Variants in NME6 observed in about 807,000 individuals in gnomAD.
The protein encoded by NME6 is nucleoside diphosphate kinase 6, mitochondrial.
Under a neutral mutation model 22.2 loss-of-function variants are expected in NME6, and 16 were observed. The observed-to-expected ratio is 0.72, with a 90% CI of 0.49 to 1.09. The LOEUF (loss-of-function observed/expected upper bound fraction) is 1.09, where lower values mean the gene tolerates loss of function less well. NME6 is among the 50% of genes least tolerant of loss of function. The probability of loss-of-function intolerance (pLI) is 0.00; values close to 1 mark genes in which losing one functional copy is unlikely to be tolerated. For synonymous variants in NME6, 58 were observed against 85.2 expected, an observed-to-expected ratio of 0.68 and a Z score of 1.76; for missense variants, 229 against 239.0, an observed-to-expected ratio of 0.96 and a Z score of 0.28.
chr3:48,301,208 C>T, intron 1 of NME6, 145 bp downstream of exon 1: 7 of 1,470,686 alleles, frequency 4.8e-6, no homozygotes, highest in Non-Finnish European at 5.5e-6. Context: ...CCCCCGGGCT[C>T]ACGGCCTCAA....
chr3:48,294,914 G>T (rs977113138), intron 5 of NME6, 111 bp from the exon 6 acceptor site: 1 of 1,405,392 alleles, frequency 7.1e-7, no homozygotes, highest in East Asian at 2.3e-5. Context: ...TTCAGTCCTG[G>T]GGCATGTAAA....
chr3:48,295,203 T>C lies in NME6; in HGVS notation c.266A>G (p.Lys89Arg), dbSNP rs1266514841. The C allele has an allele frequency of 6.2e-7, 1 of 1,613,900 alleles. No homozygotes were observed. Among genetic ancestry groups the C allele is most frequent in the Non-Finnish European group, 8.5e-7 (1 of 1,179,932 alleles). Residue 89 changes from lysine (K) to arginine (R), a missense_variant, in exon 5 of 6, where the codon AAG (lysine) becomes AGG (arginine). Physicochemically the swap from Lys to Arg is conservative, Grantham distance 26. Coordinates refer to ENST00000442597, the MANE Select transcript of NME6 (RefSeq NM_001308426.2). The stretch of plus-strand genomic sequence containing the variant: ...CGTCCTCCAGAGCTGGATGGCATCC[T>C]TGTGGGCAAGGATGTAGGCTCGGAT... ...GPIRAYILAH[K>R]DAIQLWRTLM...
At chr3:48,300,961 T>G (rs575194277) in intron 1 of NME6, among the ~76,000 whole-genome samples, 5 of 152,096 alleles carry the variant, frequency 3.3e-5, no homozygotes, top group African/African-American at 1.2e-4. Context: ...GGCAGGAGCA[T>G]TACTTGAACT....
chr3:48,290,218 TTTTA>T (rs749199181), downstream of NME6, among the ~76,000 whole-genome samples: 49 of 151,668 alleles, frequency 3.2e-4, no homozygotes, highest in Non-Finnish European at 6.0e-4. Context: ...GTGCCACCAT[TTTTA>T]TTTTATTTTA....
intron 2 of NME6, 178 bp downstream of exon 2, chr3:48,298,249 T>A (rs1354357769): frequency 1.6e-6 from 1 of 635,546 alleles, no homozygotes; most frequent in Admixed American, 2.7e-5. Flanking sequence ...ACATTTTAGG[T>A]CTGCCTCAAG....
downstream of NME6, chr3:48,292,150 G>A (rs2034556266): frequency 6.6e-6 from 1 of 152,244 alleles, no homozygotes; most frequent in South Asian, 2.1e-4. Flanking sequence ...ATTTTAGGGG[G>A]ATATAATTCA....
chr3:48,297,994 T>G (rs1317683375), intron 2 of NME6: 1 of 225,808 alleles, frequency 4.4e-6, no homozygotes, highest in Non-Finnish European at 8.9e-6. Flanking sequence ...AGTCTGGAAG[T>G]GAATTCTTCC....
chr3:48,301,279 C>A (rs1387543722), intron 1 of NME6, 74 bp downstream of exon 1: 1 of 1,597,880 alleles, frequency 6.3e-7, no homozygotes, highest in Non-Finnish European at 8.5e-7. Context: ...CCCCTCGTAC[C>A]CGGGGCCTAA....
rs1185717753 is a variant in NME6 at position 48,294,386 on chromosome 3, T to C, written c.*251A>G. 3.1e-5 allele frequency: 12 copies of C among 385,380 alleles called. No homozygotes were observed. Among genetic ancestry groups the C allele is most frequent in the Non-Finnish European group, 5.8e-5 (12 of 208,634 alleles). The allele number at this position is 385,380 out of a possible 1,614,324, so 23.9% of individuals were successfully genotyped here. On this transcript the variant is annotated 3_prime_UTR_variant, in exon 6 of 6. Transcript: ENST00000442597. ...CGTGCCCGGCCTGGCAAGCTTCTTC[T>C]TGAAGAAGGATGAACAGTTCTCAGC...
chr3:48,294,699 A>G lies in NME6; in HGVS notation c.499T>C (p.Cys167Arg). 6.2e-7 allele frequency: 1 copy of G among 1,614,120 alleles called. No homozygotes were observed. The highest frequency in any genetic ancestry group is 1.3e-5 in the African/African-American group (1 of 75,030). ...EEPQLRCGPV[C>R]YSPEGGVHYV... is the part of the protein sequence containing the mutation. ...TGGACACCTCCCTCTGGGCTATAGC[A>G]CACAGGGCCACAGCGCAACTGGGGC... is the stretch of plus-strand genomic sequence containing the variant. The change falls in exon 6 of 6, where the codon TGC becomes CGC. Residue 167 changes from cysteine (C) to arginine (R), a missense_variant. Physicochemically the swap from Cys to Arg is radical, Grantham distance 180. Coordinates refer to ENST00000442597, the MANE Select transcript of NME6 (RefSeq NM_001308426.2).
chr3:48,294,252 T>G lies in NME6; in HGVS notation c.*385A>C, dbSNP rs1282643367. ...CCATGCCTGGCTAATTGTTGTATTT[T>G]TAGTAGAGATGGGGTTTCACCATGT... is the stretch of plus-strand genomic sequence containing the variant. On this transcript the variant is annotated 3_prime_UTR_variant, in exon 6 of 6. Transcript: ENST00000442597. 1 of 170,642 alleles carries G rather than the reference T, an allele frequency of 5.9e-6. No individual in the cohort carries two copies. Among genetic ancestry groups the G allele is most frequent in the Non-Finnish European group, 1.3e-5 (1 of 78,140 alleles). 10.6% of individuals were successfully genotyped at this position (170,642 alleles called of 1,614,324 possible).
rs1199536561 is a variant in NME6, at chr3:48,292,541, G to C, written c.*2096C>G. Reference sequence around the variant, plus strand: ...TGAGATGTTGACAGATTTTGTTCCAGACTATTTCAAGGATTTTTTTTTTCT... The same window carrying C: ...TGAGATGTTGACAGATTTTGTTCCACACTATTTCAAGGATTTTTTTTTTCT... On this transcript the variant is annotated 3_prime_UTR_variant, in exon 6 of 6. Transcript: ENST00000442597. 4 of 152,058 alleles carry C rather than the reference G, an allele frequency of 2.6e-5. No individual in the cohort carries two copies. The East Asian group carries it at 7.7e-4, about 29-fold the overall frequency. 9.4% of individuals were successfully genotyped at this position (152,058 alleles called of 1,614,324 possible).
intron 1 of NME6, chr3:48,300,633 G>GC (rs1355564759): frequency 3.6e-6 from 1 of 279,634 alleles, no homozygotes; most frequent in Non-Finnish European, 7.1e-6. Context: ...AGAACACGCG[G>GC]CCTGTAGGGA....
intron 4 of NME6, chr3:48,295,495 C>A (rs1335773346): frequency 2.3e-6 from 1 of 444,198 alleles, no homozygotes; most frequent in South Asian, 4.7e-5. Flanking sequence ...AGGTCAGCAT[C>A]GGCTCAGTGA....
At chr3:48,296,374 A>C in intron 3 of NME6, 1 of 658,562 alleles carries the variant, frequency 1.5e-6, no homozygotes, top group Non-Finnish European at 2.6e-6. Context: ...TGGCTTCCTA[A>C]TCTGCGTACG....
intron 5 of NME6, 50 bp from the exon 6 acceptor site, chr3:48,294,853 G>A (rs2034894448): frequency 1.6e-5 from 26 of 1,586,958 alleles, no homozygotes; most frequent in Non-Finnish European, 2.2e-5. Flanking sequence ...GTAGAAGCAA[G>A]AGGCAGTCAT....
At chr3:48,295,031 C>T in intron 5 of NME6, 44 bp downstream of exon 5, 1 of 1,587,164 alleles carries the variant, frequency 6.3e-7, no homozygotes, top group Non-Finnish European at 8.6e-7. Flanking sequence ...CACAGCCTGC[C>T]CGCTAACCCC....
chr3:48,298,529 A>T lies in NME6; in HGVS notation c.-7-6T>A. ...AGATTGAGGCCATCTCACTCCTGCCATTAGAGAGCTGTATTAGGAACCCTT... is the reference window on the plus strand; with the variant it reads ...AGATTGAGGCCATCTCACTCCTGCCTTTAGAGAGCTGTATTAGGAACCCTT... On this transcript the variant is annotated splice_polypyrimidine_tract_variant and splice_region_variant and intron_variant, in intron 1 of 5. Coordinates refer to ENST00000442597, the MANE Select transcript of NME6 (RefSeq NM_001308426.2). 3 of 1,592,434 alleles carry T rather than the reference A, an allele frequency of 1.9e-6. No individual in the cohort carries two copies. The highest frequency in any genetic ancestry group is 2.6e-6 in the Non-Finnish European group (3 of 1,169,952).
chr3:48,297,961 C>G (rs770735365), intron 2 of NME6: 10 of 194,792 alleles, frequency 5.1e-5, no homozygotes, highest in Non-Finnish European at 8.5e-5. Context: ...CATAAGAAAT[C>G]AACTCTGCCA....
Sources: allele counts gnomAD v4.1 joint callset (sites outside exome capture counted in the v4.1 genomes callset), GRCh38; gene constraint gnomAD v4.1.1; transcripts MANE v1.5; gene names NCBI Gene and HGNC (gene_info 2026-07-23, HGNC 2026-07-21).